Variants in CSMD3 observed in about 807,000 individuals in gnomAD.
CSMD3 encodes the protein CUB and Sushi multiple domains 3, also known as CUB and sushi domain-containing protein 3.
A neutral mutation model predicts 435.2 loss-of-function variants in CSMD3; 177 were observed. The observed-to-expected ratio is 0.41, with a 90% CI of 0.36 to 0.46. CSMD3 has a LOEUF of 0.46. Ranked by LOEUF, CSMD3 falls within the 20% of genes least tolerant of loss-of-function variation. The probability of loss-of-function intolerance (pLI) is 0.34; values close to 1 mark genes in which losing one functional copy is unlikely to be tolerated. For missense variants in CSMD3, 4,265 were observed against 4,504.6 expected (o/e 0.95, Z 1.52); for synonymous variants, 1,656 against 1,520.5 (o/e 1.09, Z -2.07).
intron 16 of CSMD3, among the ~76,000 whole-genome samples, chr8:112,671,232 T>C (rs892761583): frequency 1.3e-5 from 2 of 152,074 alleles, no homozygotes; most frequent in Admixed American, 1.3e-4. Context: ...GAGCATTTAG[T>C]TTAGAAAACT....
intron 9 of CSMD3, among the ~76,000 whole-genome samples, chr8:112,935,421 T>A (rs892561250): frequency 2.0e-5 from 3 of 152,228 alleles, no homozygotes; most frequent in South Asian, 2.1e-4. Flanking sequence ...TTATTTTATT[T>A]TATTTTTGTA....
chr8:113,161,999 T>G (rs778324792), intron 4 of CSMD3, among the ~76,000 whole-genome samples: 2 of 151,996 alleles, frequency 1.3e-5, no homozygotes, highest in Non-Finnish European at 2.9e-5. Flanking sequence ...TTTCACCCAT[T>G]GAAACATCTT....
intron 13 of CSMD3, among the ~76,000 whole-genome samples, chr8:112,763,892 CT>C (rs1051553371): frequency 3.3e-5 from 5 of 150,042 alleles, no homozygotes; most frequent in Non-Finnish European, 6.0e-5. Flanking sequence ...AATTCTTTAG[CT>C]TTTTTTTTCT....
chr8:112,372,623 G>A (rs1828513351), intron 38 of CSMD3, among the ~76,000 whole-genome samples: 2 of 152,086 alleles, frequency 1.3e-5, no homozygotes, highest in Admixed American at 6.6e-5. Flanking sequence ...GCCGAGGAGG[G>A]CGGATTGCCT....
chr8:113,249,805 AAAG>A (rs942447294), intron 3 of CSMD3, among the ~76,000 whole-genome samples: 1 of 152,006 alleles, frequency 6.6e-6, no homozygotes, highest in Non-Finnish European at 1.5e-5. Context: ...GTTTCCTGAA[AAAG>A]AAGAAGTAAT....
At chr8:112,857,276 T>C (rs1055551811) in intron 11 of CSMD3, among the ~76,000 whole-genome samples, 1 of 151,822 alleles carries the variant, frequency 6.6e-6, no homozygotes, top group African/African-American at 2.4e-5. Context: ...AAAGTAATTA[T>C]GTCCTCCTAA....
chr8:112,496,142 T>G (rs1445068471), intron 30 of CSMD3, among the ~76,000 whole-genome samples: 1 of 152,066 alleles, frequency 6.6e-6, no homozygotes, highest in Non-Finnish European at 1.5e-5. Flanking sequence ...GCCAATTTTT[T>G]GTATTTTTAG....
chr8:112,526,699 T>G (rs771807302), intron 27 of CSMD3, among the ~76,000 whole-genome samples: 1 of 152,032 alleles, frequency 6.6e-6, no homozygotes, highest in Non-Finnish European at 1.5e-5. Flanking sequence ...TAAATTTTAA[T>G]TTGTGGCCTT....
At chr8:112,293,286 G>A (rs1380890731) in intron 54 of CSMD3, among the ~76,000 whole-genome samples, 1 of 151,976 alleles carries the variant, frequency 6.6e-6, no homozygotes, top group Non-Finnish European at 1.5e-5. Context: ...GAGATCTTGT[G>A]CTTTAAAAAA....
At chr8:112,925,517 C>T (rs899556939) in intron 9 of CSMD3, among the ~76,000 whole-genome samples, 5 of 151,512 alleles carry the variant, frequency 3.3e-5, no homozygotes, top group African/African-American at 9.7e-5. Context: ...GAGCTGAGAT[C>T]GCGCTACTGC....
Position 112,738,909 on chromosome 8 carries a change from T to C in CSMD3, c.1973-48859A>G, listed in dbSNP as rs149356125. 4.8e-3 allele frequency among the ~76,000 whole-genome samples: 728 copies of C among 151,858 alleles called. 10 individuals are homozygous for C. Among genetic ancestry groups the C allele is most frequent in the African/African-American group, 0.017 (702 of 41,524 alleles). ...CAGTTTTAAGTGGATTGAATTTAAA[T>C]GGAATTTTTTCCAGTGCCCTTTATC... On this transcript the variant is annotated intron_variant, in intron 13 of 70. Coordinates refer to ENST00000297405, the MANE Select transcript of CSMD3 (RefSeq NM_198123.2).
chr8:112,841,287 C>T (rs2080172699), intron 11 of CSMD3, among the ~76,000 whole-genome samples: 1 of 151,682 alleles, frequency 6.6e-6, no homozygotes, highest in South Asian at 2.1e-4. Flanking sequence ...CCAAGGGCCC[C>T]TGTAATCTTT....
At chr8:113,252,459 T>A (rs890178121) in intron 3 of CSMD3, among the ~76,000 whole-genome samples, 1 of 131,520 alleles carries the variant, frequency 7.6e-6, no homozygotes, top group Admixed American at 7.3e-5. Context: ...ATTTTATGTA[T>A]TTTTTTTTAC....
At chr8:112,999,591 T>C (rs2085785978) in intron 6 of CSMD3, among the ~76,000 whole-genome samples, 1 of 151,690 alleles carries the variant, frequency 6.6e-6, no homozygotes, top group African/African-American at 2.4e-5. Flanking sequence ...CACTTGGTTG[T>C]TTAATTGCTA....
At chr8:113,032,305 T>A (rs1200023254) in intron 5 of CSMD3, among the ~76,000 whole-genome samples, 1 of 151,570 alleles carries the variant, frequency 6.6e-6, no homozygotes, top group Non-Finnish European at 1.5e-5. Context: ...TGTTGAATAG[T>A]TTTGACCAAA....
At chr8:113,147,133 A>G in intron 4 of CSMD3, among the ~76,000 whole-genome samples, 1 of 151,670 alleles carries the variant, frequency 6.6e-6, no homozygotes, top group East Asian at 1.9e-4. Context: ...CTAATAAATA[A>G]ACTAAGGTTT....
At chr8:112,746,186 T>C (rs1291295296) in intron 13 of CSMD3, among the ~76,000 whole-genome samples, 1 of 152,216 alleles carries the variant, frequency 6.6e-6, no homozygotes, top group East Asian at 1.9e-4. Flanking sequence ...CGCTTTTGGC[T>C]ATTTTTTTCT....
At chr8:112,464,619 G>T (rs1817776160) in intron 32 of CSMD3, among the ~76,000 whole-genome samples, 2 of 151,952 alleles carry the variant, frequency 1.3e-5, no homozygotes, top group Non-Finnish European at 2.9e-5. Context: ...AAAAGAGAAG[G>T]ATCCACAATT....
chr8:112,490,137 C>T (rs954647009), intron 31 of CSMD3, among the ~76,000 whole-genome samples: 1 of 152,120 alleles, frequency 6.6e-6, no homozygotes, highest in African/African-American at 2.4e-5. Flanking sequence ...TATATTCCAA[C>T]TTTTGTCAGA....
Sources: gnomAD v4.1 joint callset for allele counts (sites outside exome capture counted in the v4.1 genomes callset) on GRCh38, gnomAD v4.1.1 for gene constraint, MANE v1.5 for transcripts, NCBI Gene and HGNC (gene_info 2026-07-23, HGNC 2026-07-21) for gene names.